Variants in GPC5 observed in about 807,000 individuals in gnomAD.
GPC5 encodes glypican-5.
A neutral mutation model predicts 53.9 loss-of-function variants in GPC5; 47 were observed. That is an observed-to-expected ratio of 0.87 (90% CI 0.69 to 1.11). The LOEUF (loss-of-function observed/expected upper bound fraction) is 1.11. Ranked by LOEUF, GPC5 falls within the 50% of genes most tolerant of loss-of-function variation. GPC5 has a pLI of 0.00. For synonymous variants in GPC5, 286 were observed against 263.3 expected (o/e 1.09, Z -0.84); for missense variants, 748 against 713.1 (o/e 1.05, Z -0.56).
chr13:91,857,433 A>G (rs1278643336), intron 5 of GPC5, among the ~76,000 whole-genome samples: 3 of 151,448 alleles, frequency 2.0e-5, no homozygotes, highest in Non-Finnish European at 3.0e-5. Flanking sequence ...TACTGTATAT[A>G]TTTTATTATG....
intron 7 of GPC5, among the ~76,000 whole-genome samples, chr13:92,840,830 GT>G (rs1001384242): frequency 2.0e-5 from 3 of 151,786 alleles, no homozygotes; most frequent in African/African-American, 7.3e-5. Context: ...CCTTATTTAG[GT>G]TTATTCCTAA....
intron 7 of GPC5, among the ~76,000 whole-genome samples, chr13:92,594,349 G>C (rs1245781361): frequency 6.6e-6 from 1 of 152,158 alleles, no homozygotes. Context: ...CTGAACATGG[G>C]GATGGCAGAC....
At chr13:91,569,996 A>G (rs1262321596) in intron 2 of GPC5, among the ~76,000 whole-genome samples, 3 of 152,222 alleles carry the variant, frequency 2.0e-5, no homozygotes, top group African/African-American at 7.2e-5. Flanking sequence ...ATGAAAGAAT[A>G]AGATAACAAT....
chr13:92,285,032 A>G (rs1184247459), intron 7 of GPC5, among the ~76,000 whole-genome samples: 5 of 152,200 alleles, frequency 3.3e-5, no homozygotes, highest in Non-Finnish European at 5.9e-5. Context: ...CTGATAAGCA[A>G]CTTCAGCAAA....
intron 6 of GPC5, among the ~76,000 whole-genome samples, chr13:92,014,983 A>G (rs970647111): frequency 7.2e-5 from 11 of 152,076 alleles, no homozygotes; most frequent in Admixed American, 5.2e-4. Flanking sequence ...TGGGCAAGGG[A>G]TCTAGTGTCA....
chr13:92,098,589 C>G (rs375675961), intron 6 of GPC5, among the ~76,000 whole-genome samples: 1 of 152,254 alleles, frequency 6.6e-6, no homozygotes, highest in East Asian at 1.9e-4. Context: ...AAATGCCCCC[C>G]CACACAAAGA....
intron 7 of GPC5, among the ~76,000 whole-genome samples, chr13:92,290,705 A>G (rs1418804601): frequency 6.6e-6 from 1 of 152,144 alleles, no homozygotes; most frequent in African/African-American, 2.4e-5. Flanking sequence ...GCATATATAC[A>G]TGAGAGGTGA....
At chr13:92,263,561 G>T (rs1219200223) in intron 7 of GPC5, among the ~76,000 whole-genome samples, 1 of 152,014 alleles carries the variant, frequency 6.6e-6, no homozygotes, top group Non-Finnish European at 1.5e-5. Flanking sequence ...CTGTCTTCCA[G>T]GAAGTATAGT....
At chr13:91,638,052 A>C (rs1382723219) in intron 2 of GPC5, among the ~76,000 whole-genome samples, 2 of 152,224 alleles carry the variant, frequency 1.3e-5, no homozygotes, top group African/African-American at 4.8e-5. Context: ...GCTCATGACA[A>C]AGGCAAATGT....
intron 7 of GPC5, among the ~76,000 whole-genome samples, chr13:92,856,491 G>C (rs1879003682): frequency 6.6e-6 from 1 of 151,774 alleles, no homozygotes; most frequent in Non-Finnish European, 1.5e-5. Context: ...GTGCCACCCA[G>C]AGGAAAGAGA....
rs75209765 is a variant in GPC5 at position 91,831,882 on chromosome 13, T to A, written c.1280+75462T>A. On this transcript the variant is annotated intron_variant, in intron 5 of 7. Transcript: ENST00000377067. ...CTGAGGAGTGCTTTACTTCCAATGA[T>A]GTGGTCAATCTTAGAATAAGGGGGA... Among the ~76,000 whole-genome samples, 49 of 152,140 alleles carry A rather than the reference T, an allele frequency of 3.2e-4. No homozygotes were observed. The East Asian group carries it at 8.5e-3, about 26-fold the overall frequency.
chr13:91,855,319 C>G (rs557079820), intron 5 of GPC5, among the ~76,000 whole-genome samples: 2 of 151,648 alleles, frequency 1.3e-5, no homozygotes, highest in Non-Finnish European at 3.0e-5. Context: ...CATATCTAAG[C>G]AACGAAATTT....
intron 6 of GPC5, among the ~76,000 whole-genome samples, chr13:91,978,631 G>C (rs2040329565): frequency 6.6e-6 from 1 of 152,206 alleles, no homozygotes; most frequent in African/African-American, 2.4e-5. Context: ...CCTAAGTAGA[G>C]ACAGAGCCTT....
intron 7 of GPC5, among the ~76,000 whole-genome samples, chr13:92,782,435 A>G (rs961254181): frequency 6.6e-6 from 1 of 152,118 alleles, no homozygotes; most frequent in African/African-American, 2.4e-5. Flanking sequence ...TCATGAGAAC[A>G]AGGGACTGGA....
At chr13:92,379,700 T>A (rs12020380) in intron 7 of GPC5, among the ~76,000 whole-genome samples, 147,325 of 152,002 alleles carry the variant, frequency 0.97, 71,407 homozygotes, top group East Asian at 1. Context: ...CCTGCATATT[T>A]GTTCCTCGCT....
chr13:92,840,631 T>C (rs183050667), intron 7 of GPC5, among the ~76,000 whole-genome samples: 1 of 152,248 alleles, frequency 6.6e-6, no homozygotes, highest in Non-Finnish European at 1.5e-5. Context: ...TTTCTATTTC[T>C]GTAAAAAAAT....
At chr13:92,659,771 A>G (rs989070795) in intron 7 of GPC5, among the ~76,000 whole-genome samples, 2 of 152,200 alleles carry the variant, frequency 1.3e-5, no homozygotes, top group Non-Finnish European at 2.9e-5. Flanking sequence ...GTAAGAAGGT[A>G]GCTTTTCCAC....
chr13:92,644,328 G>A (rs1594377166), intron 7 of GPC5, among the ~76,000 whole-genome samples: 1 of 152,072 alleles, frequency 6.6e-6, no homozygotes, highest in African/African-American at 2.4e-5. Flanking sequence ...TTTTGACACT[G>A]CAATGGAAAC....
Position 92,310,888 on chromosome 13 carries a change from G to A in GPC5, c.1561+165899G>A, listed in dbSNP as rs186410390. On this transcript the variant is annotated intron_variant, in intron 7 of 7. Coordinates refer to ENST00000377067, the MANE Select transcript of GPC5 (RefSeq NM_004466.6). ...TAAACATAGCACTGATAATAAAAAT[G>A]TTTTTGAAAGAGACATCTAACTGAG... Among the ~76,000 whole-genome samples, 313 of 152,232 alleles carry A rather than the reference G, an allele frequency of 2.1e-3. 4 individuals are homozygous for A. The highest frequency in any genetic ancestry group is 7.2e-3 in the African/African-American group (298 of 41,546).
Sources: allele counts gnomAD v4.1 joint callset (sites outside exome capture counted in the v4.1 genomes callset), GRCh38; gene constraint gnomAD v4.1.1; transcripts MANE v1.5; gene names NCBI Gene and HGNC (gene_info 2026-07-23, HGNC 2026-07-21).